RAB31: variants seen among roughly 807,000 people sequenced by gnomAD.
The protein encoded by RAB31 is RAB31, member RAS oncogene family.
Under a neutral mutation model 25.6 loss-of-function variants are expected in RAB31, and 21 were observed. That is an observed-to-expected ratio of 0.82 (90% CI 0.58 to 1.18). The LOEUF is 1.18. RAB31 is among the 50% of genes most tolerant of loss of function. The pLI, the probability that RAB31 is intolerant of heterozygous loss-of-function variation, is 0.00. For synonymous variants in RAB31, 87 were observed against 84.0 expected, an observed-to-expected ratio of 1.04 and a Z score of -0.20; for missense variants, 196 against 250.1, an observed-to-expected ratio of 0.78 and a Z score of 1.46.
At chr18:9,775,799 T>C (rs1337586447) in intron 2 of RAB31, among the ~76,000 whole-genome samples, 1 of 152,154 alleles carries the variant, frequency 6.6e-6, no homozygotes, top group Non-Finnish European at 1.5e-5. Flanking sequence ...TCTTTTTTTT[T>C]ACTTCTTGAG....
At chr18:9,776,849 A>C (rs1291522877) in intron 2 of RAB31, among the ~76,000 whole-genome samples, 1 of 152,124 alleles carries the variant, frequency 6.6e-6, no homozygotes, top group Non-Finnish European at 1.5e-5. Flanking sequence ...CTCCCCTCCA[A>C]GGATGCTTGC....
At chr18:9,759,106 G>C (rs9965737) in intron 1 of RAB31, among the ~76,000 whole-genome samples, 76,267 of 151,916 alleles carry the variant, frequency 0.5, 21,767 homozygotes, top group African/African-American at 0.8. Flanking sequence ...GTTCAGACAT[G>C]AGGAAGGTGG....
intron 2 of RAB31, 56 bp from the exon 3 acceptor site, chr18:9,792,098 G>T (rs1008884354): frequency 6.4e-7 from 1 of 1,552,668 alleles, no homozygotes; most frequent in Non-Finnish European, 8.7e-7. Flanking sequence ...TTTGATTTGT[G>T]AATCTTTGTG....
intron 3 of RAB31, among the ~76,000 whole-genome samples, chr18:9,806,599 C>T (rs1209065235): frequency 6.6e-6 from 1 of 152,020 alleles, no homozygotes; most frequent in Non-Finnish European, 1.5e-5. Flanking sequence ...GGACCAGGTC[C>T]CACCCAAGAT....
At chr18:9,847,786 C>T (rs2068769017) in intron 6 of RAB31, among the ~76,000 whole-genome samples, 1 of 152,100 alleles carries the variant, frequency 6.6e-6, no homozygotes, top group African/African-American at 2.4e-5. Context: ...GTTGCCTAGG[C>T]TGGTCTCAAT....
chr18:9,742,104 G>A (rs1188487634), intron 1 of RAB31, among the ~76,000 whole-genome samples: 3 of 152,228 alleles, frequency 2.0e-5, no homozygotes, highest in African/African-American at 7.2e-5. Flanking sequence ...ACCCGGCAAA[G>A]CACTGGCAGG....
chr18:9,810,923 T>A (rs1196539930), intron 3 of RAB31, among the ~76,000 whole-genome samples: 1 of 152,220 alleles, frequency 6.6e-6, no homozygotes, highest in East Asian at 1.9e-4. Flanking sequence ...GTCCTTACCC[T>A]TTGAAAAGTA....
rs991340883 is a variant in RAB31 at position 9,838,736 on chromosome 18, A to T, written c.381-6846A>T. Among the ~76,000 whole-genome samples the T allele has an allele frequency of 3.3e-5, 5 of 152,278 alleles. No individual in the cohort carries two copies. The South Asian group carries it at 1.0e-3, about 32-fold the overall frequency. ...GCTGAGAAGCCTCTGAGTGCCAGGG[A>T]CCAGCTCAGGGCTCACCTCGCTGGA... On this transcript the variant is annotated intron_variant, in intron 5 of 6. Transcript: ENST00000578921.
intron 1 of RAB31, among the ~76,000 whole-genome samples, chr18:9,749,671 A>G (rs969139763): frequency 3.9e-4 from 60 of 152,202 alleles, no homozygotes; most frequent in Admixed American, 3.5e-3. Flanking sequence ...AGAAGACTGA[A>G]ACAGTTATGA....
chr18:9,846,566 T>A (rs991199589), intron 6 of RAB31, among the ~76,000 whole-genome samples: 4 of 152,080 alleles, frequency 2.6e-5, no homozygotes, highest in African/African-American at 9.7e-5. Flanking sequence ...TTAGGAGGAG[T>A]TGAACCCCAA....
chr18:9,853,593 T>C (rs1409369835), intron 6 of RAB31, among the ~76,000 whole-genome samples: 1 of 152,136 alleles, frequency 6.6e-6, no homozygotes, highest in African/African-American at 2.4e-5. Context: ...TCTGATACTA[T>C]AAAGGAGGAT....
chr18:9,746,370 T>C (rs1339436451), intron 1 of RAB31, among the ~76,000 whole-genome samples: 3 of 148,138 alleles, frequency 2.0e-5, no homozygotes, highest in Admixed American at 7.3e-5. Flanking sequence ...TTCAATGCAA[T>C]ATCTATCAAA....
chr18:9,709,613 G>A (rs1264377478), intron 1 of RAB31, among the ~76,000 whole-genome samples: 1 of 152,168 alleles, frequency 6.6e-6, no homozygotes, highest in East Asian at 1.9e-4. Flanking sequence ...CCCATCACCG[G>A]CCTCTTCCAA....
In RAB31 at chr18:9,719,951, G is replaced by A. The variant is rs768374115; in HGVS notation, c.39+11507G>A. Among the ~76,000 whole-genome samples, 8 of 148,570 alleles carry A rather than the reference G, an allele frequency of 5.4e-5. No homozygotes were observed. The East Asian group carries it at 1.2e-3, about 22-fold the overall frequency. ...ACAGCAGGGTGCTGCCAGGGATGCC[G>A]TCAAGCCTGGCCAGGCTCACCTTTT... is the stretch of plus-strand genomic sequence containing the variant. On this transcript the variant is annotated intron_variant, in intron 1 of 6. Coordinates refer to ENST00000578921, the MANE Select transcript of RAB31 (RefSeq NM_006868.4).
intron 3 of RAB31, among the ~76,000 whole-genome samples, chr18:9,812,688 T>A (rs1599049813): frequency 2.2e-5 from 2 of 90,676 alleles, no homozygotes; most frequent in East Asian, 3.6e-4. Context: ...TCCAGGATAC[T>A]ATTTTTTTTT....
intron 1 of RAB31, among the ~76,000 whole-genome samples, chr18:9,762,352 A>G (rs1413453831): frequency 6.6e-6 from 1 of 152,242 alleles, no homozygotes; most frequent in Non-Finnish European, 1.5e-5. Context: ...GTAGCAATAA[A>G]AAATCCAAAG....
intron 1 of RAB31, among the ~76,000 whole-genome samples, chr18:9,715,969 A>C (rs1053251658): frequency 6.6e-6 from 1 of 152,334 alleles, no homozygotes; most frequent in African/African-American, 2.4e-5. Flanking sequence ...ATGTAACCAC[A>C]ATACTATGCT....
intron 1 of RAB31, among the ~76,000 whole-genome samples, chr18:9,717,215 A>G (rs78105558): frequency 0.024 from 3,675 of 152,174 alleles, 125 homozygotes; most frequent in African/African-American, 0.084. Flanking sequence ...CGGATTTAAC[A>G]TCAGGTCACC....
intron 1 of RAB31, among the ~76,000 whole-genome samples, chr18:9,719,175 C>T (rs926583020): frequency 1.4e-5 from 2 of 142,872 alleles, no homozygotes; most frequent in African/African-American, 2.6e-5. Flanking sequence ...GAGGCTGGAG[C>T]ATGAGAATCA....
Sources: allele counts gnomAD v4.1 joint callset (sites outside exome capture counted in the v4.1 genomes callset), GRCh38; gene constraint gnomAD v4.1.1; transcripts MANE v1.5; gene names NCBI Gene and HGNC (gene_info 2026-07-23, HGNC 2026-07-21).